The following ABCC3 variants were observed in gnomAD, a reference collection of about 807,000 sequenced individuals.
ABCC3 encodes ATP binding cassette subfamily C member 3, also known as ATP-binding cassette sub-family C member 3.
Under a neutral mutation model 165.3 loss-of-function variants are expected in ABCC3, and 121 were observed. That is an observed-to-expected ratio of 0.73 (90% confidence interval 0.63 to 0.85). The LOEUF (loss-of-function observed/expected upper bound fraction) is 0.85, where lower values mean the gene tolerates loss of function less well. ABCC3 is among the 40% of genes least tolerant of loss of function. The probability of loss-of-function intolerance (pLI) is 0.00; values close to 1 mark genes in which losing one functional copy is unlikely to be tolerated. For missense variants in ABCC3, 1,869 were observed against 1,964.1 expected (o/e 0.95, Z 0.92); for synonymous variants, 733 against 810.1 (o/e 0.90, Z 1.62).
At chr17:50,671,403 A>T (rs1358970156) in intron 17 of ABCC3, among the ~76,000 whole-genome samples, 3 of 152,118 alleles carry the variant, frequency 2.0e-5, no homozygotes, top group African/African-American at 7.2e-5. Flanking sequence ...GCAACTCCTC[A>T]TTCCCCACTG....
chr17:50,670,520 C>A (rs143255309), intron 17 of ABCC3, among the ~76,000 whole-genome samples: 1 of 152,098 alleles, frequency 6.6e-6, no homozygotes, highest in Non-Finnish European at 1.5e-5. Context: ...ACTAAAATGC[C>A]GGGCTAATAT....
In ABCC3 at chr17:50,677,862, G is replaced by T. The variant is rs746878168; in HGVS notation, c.3497G>T (p.Arg1166Leu). ...GCCAGTGTCATCCGGGCCTACAACC[G>T]CAGCCGGGATTTTGAGATCATCAGT... is the stretch of plus-strand genomic sequence containing the variant. ...TGASVIRAYN[R>L]SRDFEIISDT... Residue 1166 changes from arginine to leucine, a missense_variant, in exon 24 of 31, where the codon CGC becomes CTC. Arg to Leu is a moderately radical substitution (Grantham distance 102). Transcript: ENST00000285238. 6.2e-7 allele frequency: 1 copy of T among 1,614,102 alleles called. No homozygotes were observed. Among genetic ancestry groups the T allele is most frequent in the Non-Finnish European group, 8.5e-7 (1 of 1,180,018 alleles).
chr17:50,657,320 G>A, intron 4 of ABCC3, 137 bp downstream of exon 4: 8 of 1,217,658 alleles, frequency 6.6e-6, no homozygotes, highest in Non-Finnish European at 9.1e-6. Flanking sequence ...TTCTCCACTT[G>A]CTACATTTCT....
intron 1 of ABCC3, among the ~76,000 whole-genome samples, chr17:50,642,329 C>G (rs1363094077): frequency 6.6e-6 from 1 of 152,156 alleles, no homozygotes; most frequent in East Asian, 1.9e-4. Context: ...CGGGTACCCC[C>G]TGCCTCCTAG....
At chr17:50,647,299 C>T (rs1269734700) in intron 1 of ABCC3, among the ~76,000 whole-genome samples, 1 of 152,244 alleles carries the variant, frequency 6.6e-6, no homozygotes, top group Non-Finnish European at 1.5e-5. Context: ...ACCTATGTCC[C>T]TACAGGTGTC....
chr17:50,668,903 C>T lies in ABCC3; in HGVS notation c.1921C>T (p.Pro641Ser). Residue 641 changes from proline to serine, a missense_variant, in exon 15 of 31, where the codon CCC becomes TCC. Physicochemically the swap from Pro to Ser is moderately conservative, Grantham distance 74. Coordinates refer to ENST00000285238, the MANE Select transcript of ABCC3 (RefSeq NM_003786.4). ...CACCTTCACCTGGGCCCAGGACCTGCCCCCCACTCTGCACAGGTACCAGCT... is the reference window on the plus strand; with the variant it reads ...CACCTTCACCTGGGCCCAGGACCTGTCCCCCACTCTGCACAGGTACCAGCT... ...SGTFTWAQDL[P>S]PTLHSLDIQV... 5 of 1,613,912 alleles carry T rather than the reference C, an allele frequency of 3.1e-6. 1 individual carries two copies. The highest frequency in any genetic ancestry group is 3.3e-4 in the Middle Eastern group (2 of 6,062).
intron 17 of ABCC3, among the ~76,000 whole-genome samples, chr17:50,670,102 G>A (rs886846523): frequency 1.3e-5 from 2 of 150,790 alleles, no homozygotes; most frequent in Non-Finnish European, 3.0e-5. Flanking sequence ...TTTTTTTTTA[G>A]ACAGAGCCTT....
At position 50,678,195 on chromosome 17, in the gene ABCC3, C is replaced by T; in HGVS notation, c.3681C>T (p.Gly1227=). ...GCAGCCTGAACCCGGGGCTGGTGGG[C>T]CTTTCTGTGTCCTACTCCTTGCAGG... ...GRSSLNPGLV[G]LSVSYSLQVT... is the part of the protein sequence containing the mutation. The change falls in exon 25 of 31, where the codon GGC becomes GGT. Residue 1227 remains glycine, a synonymous_variant. Transcript: ENST00000285238. 6.5e-7 allele frequency: 1 copy of T among 1,536,018 alleles called. No homozygotes were observed. Among genetic ancestry groups the T allele is most frequent in the Non-Finnish European group, 8.7e-7 (1 of 1,143,050 alleles).
rs1247754969 is a variant in ABCC3 at position 50,673,655 on chromosome 17, ACCGGTATCTGCCATCCTGGG to A, written c.2599_2599+19del. On this transcript the variant is annotated splice_donor_variant and splice_donor_5th_base_variant and coding_sequence_variant and intron_variant, in exon 19 of 31. Coordinates refer to ENST00000285238, the MANE Select transcript of ABCC3 (RefSeq NM_003786.4). LOFTEE classifies it high-confidence loss of function. Reference sequence around the variant, plus strand: ...CCAAGGGCACCTGGAGGACAGCTGGACCGGTATCTGCCATCCTGGGCCCTCTGATTCCCATGCCTTCCCAG... The same window carrying A: ...CCAAGGGCACCTGGAGGACAGCTGGACCCTCTGATTCCCATGCCTTCCCAG... The A allele has an allele frequency of 2.5e-6, 4 of 1,613,910 alleles. No individual in the cohort carries two copies. The African/African-American group carries it at 5.3e-5, about 22-fold the overall frequency.
rs200829308 is a variant in ABCC3, at chr17:50,675,735, A to G, written c.2819A>G (p.Asp940Gly). ...GTGCAGGTGACAGAGGCGAAGGCAGATGGGGCACTGACCCAGGAGGAGAAA... is the reference window on the plus strand; with the variant it reads ...GTGCAGGTGACAGAGGCGAAGGCAGGTGGGGCACTGACCCAGGAGGAGAAA... ...EKVQVTEAKA[D>G]GALTQEEKAA... is the part of the protein sequence containing the mutation. The change falls in exon 21 of 31, where the codon GAT becomes GGT. Residue 940 changes from aspartate (D) to glycine (G), a missense_variant. By Grantham distance (94) the Asp-to-Gly change is moderately conservative. Transcript: ENST00000285238. 1 of 1,563,610 alleles carries G rather than the reference A, an allele frequency of 6.4e-7. No individual in the cohort carries two copies. Among genetic ancestry groups the G allele is most frequent in the East Asian group, 2.4e-5 (1 of 42,058 alleles).
chr17:50,663,559 G>A (rs996330179), intron 8 of ABCC3, 122 bp from the exon 9 acceptor site: 5 of 1,175,526 alleles, frequency 4.3e-6, no homozygotes, highest in Non-Finnish European at 6.0e-6. Flanking sequence ...AGAGGTTGGA[G>A]GGGGTGGAGG....
intron 1 of ABCC3, among the ~76,000 whole-genome samples, chr17:50,640,539 G>C (rs1454244821): frequency 6.6e-6 from 1 of 152,184 alleles, no homozygotes; most frequent in Non-Finnish European, 1.5e-5. Flanking sequence ...GTGTTTTTGA[G>C]AAGGAGTCTC....
intron 6 of ABCC3, 47 bp from the exon 7 acceptor site, chr17:50,659,190 A>AC: frequency 6.2e-7 from 1 of 1,604,476 alleles, no homozygotes; most frequent in Non-Finnish European, 8.5e-7. Context: ...AGGCTGCTAA[A>AC]CCCTGACCCT....
chr17:50,673,736 A>G lies in ABCC3; in HGVS notation c.2599+78A>G, dbSNP rs951837991. 3.4e-6 allele frequency: 5 copies of G among 1,472,770 alleles called. No homozygotes were observed. The Admixed American group carries it at 7.0e-5, about 21-fold the overall frequency. 91.2% of individuals were successfully genotyped at this position (1,472,770 alleles called of 1,614,324 possible). Reference sequence around the variant, plus strand: ...GTCTGGGGTCTCTGAGTGTGTCTAGACTGGCCTAGTGTTGTGCCAGGCAGG... The same window carrying G: ...GTCTGGGGTCTCTGAGTGTGTCTAGGCTGGCCTAGTGTTGTGCCAGGCAGG... On this transcript the variant is annotated intron_variant, in intron 19 of 30. Coordinates refer to ENST00000285238, the MANE Select transcript of ABCC3 (RefSeq NM_003786.4).
Position 50,687,570 on chromosome 17 carries a change from G to A in ABCC3, c.4315G>A (p.Ala1439Thr), listed in dbSNP as rs1968045240. Residue 1439 changes from alanine (A) to threonine (T), a missense_variant, in exon 30 of 31, where the codon GCC (alanine) becomes ACC (threonine). Coordinates refer to ENST00000285238, the MANE Select transcript of ABCC3 (RefSeq NM_003786.4). The stretch of plus-strand genomic sequence containing the variant: ...GAGGCAGCTCGTGTGCCTGGCCCGA[G>A]CCCTGCTCCGCAAGAGCCGCATCCT... ...GQRQLVCLAR[A>T]LLRKSRILVL... 5 of 1,613,928 alleles carry A rather than the reference G, an allele frequency of 3.1e-6. No individual in the cohort carries two copies. Among genetic ancestry groups the A allele is most frequent in the African/African-American group, 2.7e-5 (2 of 74,952 alleles).
chr17:50,645,176 G>A (rs1597839420), intron 1 of ABCC3, among the ~76,000 whole-genome samples: 1 of 151,474 alleles, frequency 6.6e-6, no homozygotes, highest in Admixed American at 6.6e-5. Context: ...ACTCCAGCCT[G>A]GGTGACAGAG....
At position 50,658,179 on chromosome 17, in the gene ABCC3, C is replaced by T. The variant is rs1967297794; in HGVS notation, c.584C>T (p.Pro195Leu). ...TTGGCCTGCTTCAGGGAGAAACCTC[C>T]ATTTTTCTCCGCAAAGAATGTCGAC... ...LILACFREKPPFFSAKNVDPN... is the reference protein window; with the variant it reads ...LILACFREKPLFFSAKNVDPN... The change falls in exon 5 of 31, where the codon CCA becomes CTA. Residue 195 changes from proline (P) to leucine (L), a missense_variant. Coordinates refer to ENST00000285238, the MANE Select transcript of ABCC3 (RefSeq NM_003786.4). 1 of 1,614,228 alleles carries T rather than the reference C, an allele frequency of 6.2e-7. No individual in the cohort carries two copies. Among genetic ancestry groups the T allele is most frequent in the Non-Finnish European group, 8.5e-7 (1 of 1,180,032 alleles).
chr17:50,683,562 A>C, intron 26 of ABCC3, 48 bp from the exon 27 acceptor site: 1 of 1,492,274 alleles, frequency 6.7e-7, no homozygotes, highest in South Asian at 1.4e-5. Context: ...AAGGTGAAAG[A>C]GGGCTTCACT....
chr17:50,638,883 G>GC (rs57891194), intron 1 of ABCC3, among the ~76,000 whole-genome samples: 7,923 of 152,256 alleles, frequency 0.052, 714 homozygotes, highest in African/African-American at 0.18. Flanking sequence ...GGGCTCTGGG[G>GC]CCTGCTTCAG....
Sources: allele counts gnomAD v4.1 joint callset (sites outside exome capture counted in the v4.1 genomes callset), GRCh38; gene constraint gnomAD v4.1.1; transcripts MANE v1.5; gene names NCBI Gene and HGNC (gene_info 2026-07-23, HGNC 2026-07-21).